Variants in PGC observed in about 807,000 individuals in gnomAD.
PGC encodes progastricsin.
A neutral mutation model predicts 45.9 loss-of-function variants in PGC; 31 were observed. The observed-to-expected ratio is 0.67, with a 90% confidence interval of 0.51 to 0.91. PGC has a LOEUF of 0.91. Ranked by LOEUF, PGC falls within the 40% of genes least tolerant of loss-of-function variation. The pLI, the probability that PGC is intolerant of heterozygous loss-of-function variation, is 0.00. For synonymous variants in PGC, 192 were observed against 201.8 expected (o/e 0.95, Z 0.41); for missense variants, 477 against 493.2 (o/e 0.97, Z 0.31).
At chr6:41,742,906 G>A (rs199978979) in intron 4 of PGC, among the ~76,000 whole-genome samples, 2 of 152,300 alleles carry the variant, frequency 1.3e-5, no homozygotes, top group Middle Eastern at 6.8e-3. Flanking sequence ...TTACAGGCGT[G>A]AGCCACCGTA....
rs78317674 is a variant in PGC at position 41,738,156 on chromosome 6, A to G, written c.916-328T>C. Among the ~76,000 whole-genome samples the G allele has an allele frequency of 2.7e-3, 68 of 25,438 alleles. 1 individual carries two copies. The highest frequency in any genetic ancestry group is 7.4e-3 in the African/African-American group (54 of 7,330). The allele number at this position is 25,438 out of a possible 152,430, so 16.7% of individuals were successfully genotyped here. On this transcript the variant is annotated intron_variant, in intron 7 of 8. Coordinates refer to ENST00000373025, the MANE Select transcript of PGC (RefSeq NM_002630.4). ...TGCATATATATATGCATATATATAT[A>G]CATATATATGCATATATATATACAT... is the stretch of plus-strand genomic sequence containing the variant.
Position 41,736,957 on chromosome 6 carries a change from G to A in PGC, c.1062C>T (p.Ser354=). 2 of 1,614,122 alleles carry A rather than the reference G, an allele frequency of 1.2e-6. No individual in the cohort carries two copies. The highest frequency in any genetic ancestry group is 1.1e-5 in the South Asian group (1 of 91,082). ...GGATCCACAGGGGCTGGCCGTTCTG[G>A]GAGGACAGGTAGGTGGGCTCGACTC... ...TVGVEPTYLS[S]QNGQPLWILG... Residue 354 remains serine, a synonymous_variant, in exon 9 of 9, where the codon TCC becomes TCT. Coordinates refer to ENST00000373025, the MANE Select transcript of PGC (RefSeq NM_002630.4).
In PGC at chr6:41,741,838, A is replaced by G. The variant is rs1245244652; in HGVS notation, c.647+452T>C. 1.3e-5 allele frequency: 20 copies of G among 1,535,554 alleles called. No individual in the cohort carries two copies. In the East Asian group the frequency reaches 2.9e-4, roughly 23 times the overall value. On this transcript the variant is annotated intron_variant, in intron 5 of 8. Coordinates refer to ENST00000373025, the MANE Select transcript of PGC (RefSeq NM_002630.4). ...TGGACCTAGACCAGAAGACTCCAGG[A>G]CCAGGCTAGAACAATAGATAAAAGG...
chr6:41,739,910 A>G lies in PGC; in HGVS notation c.804T>C (p.Ser268=). ...LIGGQASGWC[S]EGCQAIVDTG... is the part of the protein sequence containing the mutation. ...TGTCCACGATGGCCTGGCAACCCTC[A>G]GAACACCAGCCGGAGGCCTGGCCGC... Residue 268 remains serine, a synonymous_variant, in exon 7 of 9, where the codon TCT becomes TCC. Coordinates refer to ENST00000373025, the MANE Select transcript of PGC (RefSeq NM_002630.4). The G allele has an allele frequency of 6.2e-7, 1 of 1,614,184 alleles. No individual in the cohort carries two copies. The highest frequency in any genetic ancestry group is 8.5e-7 in the Non-Finnish European group (1 of 1,180,016).
At chr6:41,747,227 T>C (rs550837968) in intron 1 of PGC, 49 bp downstream of exon 1, 3 of 1,542,526 alleles carry the variant, frequency 1.9e-6, no homozygotes, top group Non-Finnish European at 2.7e-6. Context: ...TGCAGGGCTT[T>C]AGGCTCCCAT....
chr6:41,742,241 G>A (rs374365913), intron 5 of PGC, 49 bp downstream of exon 5: 394 of 1,541,724 alleles, frequency 2.6e-4, no homozygotes, highest in Non-Finnish European at 2.0e-4. Context: ...CGTCCAGGGC[G>A]GCCGGGGGAG....
Position 41,739,662 on chromosome 6 carries a change from G to A in PGC, c.915+137C>T, listed in dbSNP as rs147463900. The A allele has an allele frequency of 7.9e-4, 638 of 802,658 alleles. 3 individuals carry two copies. In the East Asian group the frequency reaches 8.1e-3, roughly 10 times the overall value. 49.7% of individuals were successfully genotyped at this position (802,658 alleles called of 1,614,324 possible). On this transcript the variant is annotated intron_variant, in intron 7 of 8. Coordinates refer to ENST00000373025, the MANE Select transcript of PGC (RefSeq NM_002630.4). Reference sequence around the variant, plus strand: ...TCAAACTCCTGGGCTCAAAAGATCTGCCTGCCTTGGCCTCCCAAAGTGTTG... The same window carrying A: ...TCAAACTCCTGGGCTCAAAAGATCTACCTGCCTTGGCCTCCCAAAGTGTTG...
chr6:41,746,818 T>C (rs1319298310), intron 1 of PGC, among the ~76,000 whole-genome samples: 5 of 152,198 alleles, frequency 3.3e-5, no homozygotes, highest in Admixed American at 3.3e-4. Flanking sequence ...TCCTGACCCC[T>C]CAGGTGTAGA....
intron 7 of PGC, among the ~76,000 whole-genome samples, chr6:41,739,121 T>G (rs902148998): frequency 6.6e-5 from 10 of 152,186 alleles, no homozygotes; most frequent in African/African-American, 2.4e-4. Flanking sequence ...AGCATGGCCC[T>G]GTGGAGGTGA....
rs560614067 is a variant in PGC at position 41,744,227 on chromosome 6, A to C, written c.328+170T>G. Among the ~76,000 whole-genome samples the C allele has an allele frequency of 1.3e-5, 2 of 152,340 alleles. No homozygotes were observed. The highest frequency in any genetic ancestry group is 3.9e-4 in the East Asian group (2 of 5,164). On this transcript the variant is annotated intron_variant, in intron 3 of 8. Coordinates refer to ENST00000373025, the MANE Select transcript of PGC (RefSeq NM_002630.4). This position sits in a 1 kb window ranked among gnomAD's most constrained non-coding sequence, Gnocchi z 4.4. ...AAAGGGGCCATCCAGCTGCAGGACC[A>C]GCATCTTTCCTCTGGCTTGGGCATG...
chr6:41,740,446 A>G (rs746239559), intron 6 of PGC, 45 bp downstream of exon 6: 1 of 1,570,304 alleles, frequency 6.4e-7, no homozygotes, highest in Non-Finnish European at 8.6e-7. Context: ...CTGGAAGCCC[A>G]CTCCAAGGAA....
Position 41,737,848 on chromosome 6 carries a change from C to T in PGC, c.916-20G>A. 1 of 1,449,370 alleles carries T rather than the reference C, an allele frequency of 6.9e-7. No homozygotes were observed. The highest frequency in any genetic ancestry group is 9.7e-7 in the Non-Finnish European group (1 of 1,030,586). The allele number at this position is 1,449,370 out of a possible 1,614,324, so 89.8% of individuals were successfully genotyped here. ...GAGAAACTGCAAGAGGAATAGGTCC[C>T]TGGTTAACTCATCCTCCCCCTGATA... On this transcript the variant is annotated intron_variant, in intron 7 of 8. Transcript: ENST00000373025.
In PGC at chr6:41,742,277, G is replaced by A. The variant is rs1271025565; in HGVS notation, c.647+13C>T. On this transcript the variant is annotated intron_variant, in intron 5 of 8. Transcript: ENST00000373025. ...CATCCCGGGAGGTGGGGACTGGCCA[G>A]CTGGTTGCTCACTTGCTGAGGTAGA... 3 of 1,611,824 alleles carry A rather than the reference G, an allele frequency of 1.9e-6. No homozygotes were observed. The highest frequency in any genetic ancestry group is 1.7e-6 in the Non-Finnish European group (2 of 1,178,584).
At chr6:41,739,353 C>G (rs1304537471) in intron 7 of PGC, among the ~76,000 whole-genome samples, 1 of 152,242 alleles carries the variant, frequency 6.6e-6, no homozygotes, top group Non-Finnish European at 1.5e-5. Flanking sequence ...TGCACACAGC[C>G]CCAGTCGTCC....
intron 3 of PGC, among the ~76,000 whole-genome samples, chr6:41,743,758 C>T (rs982750157): frequency 2.8e-4 from 42 of 152,150 alleles, no homozygotes; most frequent in Non-Finnish European, 5.7e-4. Flanking sequence ...TCCCAGCATT[C>T]CCCCCAGCCC....
intron 7 of PGC, among the ~76,000 whole-genome samples, chr6:41,738,157 C>CGTATATATATATGCAT (rs1554138605): frequency 7.2e-5 from 2 of 27,794 alleles, no homozygotes. Flanking sequence ...TATATATATA[C>CGTATATATATATGCAT]ATATATATGC....
intron 7 of PGC, among the ~76,000 whole-genome samples, chr6:41,738,973 CA>C: frequency 6.6e-6 from 1 of 150,608 alleles, no homozygotes; most frequent in Non-Finnish European, 1.5e-5. Flanking sequence ...AAAACAAAAA[CA>C]AAAAACAAAA....
At chr6:41,741,722 G>T in intron 5 of PGC, 2 of 991,738 alleles carry the variant, frequency 2.0e-6, no homozygotes, top group Non-Finnish European at 3.1e-6. Flanking sequence ...CAGGCCCCAG[G>T]CCGCTCACCC....
rs1396878569 is a variant in PGC, at chr6:41,744,558, G to C, written c.211-44C>G. ...GCTGTTAGTTCCAGAGGGATCCAGG[G>C]GCCCCAGGCTCCTCCATGGGCAGAG... is the stretch of plus-strand genomic sequence containing the variant. On this transcript the variant is annotated intron_variant, in intron 2 of 8. Transcript: ENST00000373025. This position sits in a 1 kb window ranked among gnomAD's most constrained non-coding sequence, Gnocchi z 4.4. The C allele has an allele frequency of 6.3e-7, 1 of 1,584,726 alleles. No homozygotes were observed. The highest frequency in any genetic ancestry group is 1.3e-5 in the African/African-American group (1 of 74,188).
Sources: gnomAD v4.1 joint callset for allele counts (sites outside exome capture counted in the v4.1 genomes callset) on GRCh38, gnomAD v4.1.1 for gene constraint, Gnocchi (gnomAD v3.1) non-coding constraint, MANE v1.5 for transcripts, NCBI Gene and HGNC (gene_info 2026-07-23, HGNC 2026-07-21) for gene names.